EPS15: variants seen among roughly 807,000 people sequenced by gnomAD.
EPS15 encodes the protein epidermal growth factor receptor pathway substrate 15, also known as epidermal growth factor receptor substrate 15.
A neutral mutation model predicts 113.8 loss-of-function variants in EPS15; 72 were observed. That is an observed-to-expected ratio of 0.63 (90% CI 0.52 to 0.77). The LOEUF (loss-of-function observed/expected upper bound fraction) is 0.77, where lower values mean the gene tolerates loss of function less well. Among genes scored for constraint, EPS15 ranks in the 30% least tolerant of loss-of-function variants. The pLI is 0.00. For missense variants in EPS15, 1,048 were observed against 1,045.8 expected, an observed-to-expected ratio of 1.00 and a Z score of -0.03; for synonymous variants, 344 against 363.4, an observed-to-expected ratio of 0.95 and a Z score of 0.61.
chr1:51,437,802 T>A (rs889769165), intron 12 of EPS15, among the ~76,000 whole-genome samples: 9 of 152,148 alleles, frequency 5.9e-5, no homozygotes, highest in Admixed American at 6.6e-5. Flanking sequence ...AAACTAAGTA[T>A]CTTCATCTCA....
rs775577094 is a variant in EPS15, at chr1:51,510,903, G to A, written c.33+8296C>T. On this transcript the variant is annotated intron_variant, in intron 1 of 24. Coordinates refer to ENST00000371733, the MANE Select transcript of EPS15 (RefSeq NM_001981.3). Reference sequence around the variant, plus strand: ...ATCTAGGCCGGGCACGATGGCTCACGCCTGTAATCCCAAGCAATTTGGGAG... The same window carrying A: ...ATCTAGGCCGGGCACGATGGCTCACACCTGTAATCCCAAGCAATTTGGGAG... Among the ~76,000 whole-genome samples, 17 of 152,236 alleles carry A rather than the reference G, an allele frequency of 1.1e-4. 1 individual carries two copies. The highest frequency in any genetic ancestry group is 5.9e-4 in the Admixed American group (9 of 15,290).
At chr1:51,477,110 T>C (rs1643923192) in intron 2 of EPS15, among the ~76,000 whole-genome samples, 1 of 152,210 alleles carries the variant, frequency 6.6e-6, no homozygotes, top group Non-Finnish European at 1.5e-5. Flanking sequence ...GGTAAGCTAT[T>C]AATTATCGCC....
At position 51,500,233 on chromosome 1, in the gene EPS15, T is replaced by C. The variant is rs974817337; in HGVS notation, c.34-18919A>G. On this transcript the variant is annotated intron_variant, in intron 1 of 24. Coordinates refer to ENST00000371733, the MANE Select transcript of EPS15 (RefSeq NM_001981.3). ...AGTTATTTCTACCTTTTGGTCACTG[T>C]GGATAATGCTGCTATAAACACTGGT... is the stretch of plus-strand genomic sequence containing the variant. Among the ~76,000 whole-genome samples, 5 of 152,346 alleles carry C rather than the reference T, an allele frequency of 3.3e-5. No homozygotes were observed. The East Asian group carries it at 7.7e-4, about 23-fold the overall frequency.
At position 51,506,812 on chromosome 1, in the gene EPS15, CAGAATGTAGAGAACAAACTA is replaced by C. The variant is rs1216664656; in HGVS notation, c.33+12367_33+12386del. ...AAAAAAAAAAAAAAACAGAACAGAACAGAATGTAGAGAACAAACTAAGAATGTAGAGAACAAACTAAGAAT... is the reference window on the plus strand; with the variant it reads ...AAAAAAAAAAAAAAACAGAACAGAACAGAATGTAGAGAACAAACTAAGAAT... On this transcript the variant is annotated intron_variant, in intron 1 of 24. Transcript: ENST00000371733. 7.1e-3 allele frequency among the ~76,000 whole-genome samples: 1,044 copies of C among 148,028 alleles called. 7 individuals carry two copies. The highest frequency in any genetic ancestry group is 0.025 in the African/African-American group (999 of 40,412).
At chr1:51,447,691 G>A (rs960285858) in intron 9 of EPS15, among the ~76,000 whole-genome samples, 16 of 152,276 alleles carry the variant, frequency 1.1e-4, no homozygotes, top group African/African-American at 3.8e-4. Context: ...TTAGCATGGA[G>A]CATCTTCCAT....
At chr1:51,506,857 T>G (rs1156769685) in intron 1 of EPS15, among the ~76,000 whole-genome samples, 1 of 149,632 alleles carries the variant, frequency 6.7e-6, no homozygotes, top group Non-Finnish European at 1.5e-5. Context: ...AAACTAAGAA[T>G]GAAAGCAATA....
intron 5 of EPS15, among the ~76,000 whole-genome samples, chr1:51,467,187 C>T (rs1188977110): frequency 2.0e-5 from 3 of 152,192 alleles, no homozygotes; most frequent in Non-Finnish European, 2.9e-5. Context: ...GTATGCTAGC[C>T]AAAGTGTACA....
chr1:51,366,252 G>A (rs2148352171), intron 21 of EPS15, among the ~76,000 whole-genome samples: 1 of 152,146 alleles, frequency 6.6e-6, no homozygotes, highest in Admixed American at 6.5e-5. Flanking sequence ...GTTTTTTGTA[G>A]ATATGGGGTT....
At chr1:51,490,469 GCA>G in intron 1 of EPS15, 1 of 239,280 alleles carries the variant, frequency 4.2e-6, no homozygotes, top group Non-Finnish European at 8.6e-6. Flanking sequence ...GGAGGCTGAG[GCA>G]GGAGAATCGC....
intron 23 of EPS15, 151 bp downstream of exon 23, chr1:51,363,715 C>G: frequency 1.9e-6 from 1 of 537,884 alleles, no homozygotes. Context: ...TGTAATTCAG[C>G]AGTTAGGTCA....
At chr1:51,365,211 C>T (rs912408092) in intron 22 of EPS15, among the ~76,000 whole-genome samples, 16 of 152,226 alleles carry the variant, frequency 1.1e-4, no homozygotes, top group Admixed American at 4.6e-4. Context: ...ATGAATCAGA[C>T]TTCACAATTT....
chr1:51,508,326 G>A (rs796295040), intron 1 of EPS15, among the ~76,000 whole-genome samples: 2,339 of 94,100 alleles, frequency 0.025, 22 homozygotes, highest in African/African-American at 0.033. Flanking sequence ...GAGAAAGAGA[G>A]AAAGAGAAAG....
intron 1 of EPS15, among the ~76,000 whole-genome samples, chr1:51,500,722 C>A (rs1254173222): frequency 6.6e-6 from 1 of 152,114 alleles, no homozygotes; most frequent in East Asian, 1.9e-4. Context: ...CAGTGGCTCA[C>A]GTCTGTAATC....
At chr1:51,438,741 G>A (rs1467901804) in intron 12 of EPS15, among the ~76,000 whole-genome samples, 1 of 152,000 alleles carries the variant, frequency 6.6e-6, no homozygotes, top group Non-Finnish European at 1.5e-5. Flanking sequence ...CTTCTATTTT[G>A]CAACAAAGTC....
chr1:51,473,030 A>T (rs1655355357), intron 2 of EPS15, 82 bp from the exon 3 acceptor site: 7 of 1,044,596 alleles, frequency 6.7e-6, no homozygotes, highest in Non-Finnish European at 8.9e-6. Flanking sequence ...CATCCCTGTG[A>T]TTTGGGACCT....
At chr1:51,491,305 A>C (rs914162013) in intron 1 of EPS15, among the ~76,000 whole-genome samples, 1 of 152,192 alleles carries the variant, frequency 6.6e-6, no homozygotes, top group African/African-American at 2.4e-5. Context: ...GAGAAATCAG[A>C]ATGGGGACTA....
chr1:51,504,451 C>T (rs1644463910), intron 1 of EPS15, among the ~76,000 whole-genome samples: 1 of 152,006 alleles, frequency 6.6e-6, no homozygotes, highest in South Asian at 2.1e-4. Context: ...CTTCAAAGTA[C>T]TTCAAAGAAC....
intron 1 of EPS15, among the ~76,000 whole-genome samples, chr1:51,500,902 T>G (rs1644399556): frequency 6.6e-6 from 1 of 151,272 alleles, no homozygotes; most frequent in Admixed American, 6.6e-5. Context: ...GAGAATCACT[T>G]GAACCCGGGA....
intron 21 of EPS15, among the ~76,000 whole-genome samples, chr1:51,384,933 T>A (rs564708750): frequency 1.6e-4 from 25 of 152,132 alleles, no homozygotes; most frequent in Admixed American, 1.6e-3. Context: ...TCACACAATA[T>A]ACAAAAATTA....
Sources: allele counts gnomAD v4.1 joint callset (sites outside exome capture counted in the v4.1 genomes callset), GRCh38; gene constraint gnomAD v4.1.1; transcripts MANE v1.5; gene names NCBI Gene and HGNC (gene_info 2026-07-23, HGNC 2026-07-21).